Variants in DAB2IP observed in about 807,000 individuals in gnomAD.
The protein encoded by DAB2IP is DAB2 interacting protein.
Under a neutral mutation model 107.2 loss-of-function variants are expected in DAB2IP, and 28 were observed. That is an observed-to-expected ratio of 0.26 (90% CI 0.19 to 0.36). DAB2IP has a LOEUF of 0.36. Ranked by LOEUF, DAB2IP falls within the 10% of genes least tolerant of loss-of-function variation. DAB2IP has a pLI of 1.00. For missense variants in DAB2IP, 1,400 were observed against 1,644.7 expected, an observed-to-expected ratio of 0.85 and a Z score of 2.57; for synonymous variants, 755 against 706.4, an observed-to-expected ratio of 1.07 and a Z score of -1.09.
Position 121,638,345 on chromosome 9 carries a change from C to G in DAB2IP, c.41-40333C>G, listed in dbSNP as rs558709480. 3.9e-5 allele frequency among the ~76,000 whole-genome samples: 6 copies of G among 152,230 alleles called. No homozygotes were observed. The South Asian group carries it at 1.2e-3, about 32-fold the overall frequency. On this transcript the variant is annotated intron_variant, in intron 1 of 16. Transcript: ENST00000259371. ...GTATGCATATGCTATATTTTAATGTCAGGGACTTGAGCGTGCTTGGATTTT... is the reference window on the plus strand; with the variant it reads ...GTATGCATATGCTATATTTTAATGTGAGGGACTTGAGCGTGCTTGGATTTT...
intron 3 of DAB2IP, among the ~76,000 whole-genome samples, chr9:121,755,111 G>A (rs1253752126): frequency 6.6e-6 from 1 of 152,152 alleles, no homozygotes; most frequent in African/African-American, 2.4e-5. Flanking sequence ...TCAGCCCAGG[G>A]AGGGCAGGCC....
In DAB2IP at chr9:121,699,483, CCCCCGCGCCGCCG is replaced by C; in HGVS notation, c.362+31_362+43del. 7 of 1,279,848 alleles carry C rather than the reference CCCCCGCGCCGCCG, an allele frequency of 5.5e-6. No homozygotes were observed. Among genetic ancestry groups the C allele is most frequent in the East Asian group, 3.7e-5 (1 of 26,828 alleles). 79.3% of individuals were successfully genotyped at this position (1,279,848 alleles called of 1,614,324 possible). On this transcript the variant is annotated intron_variant, in intron 3 of 15. Coordinates refer to ENST00000408936, the Ensembl canonical transcript of DAB2IP. This position sits in a 1 kb window ranked among gnomAD's most constrained non-coding sequence, Gnocchi z 6.2. ...GGTGAGCCCGCCGCCGCCGCCCGGT[CCCCCGCGCCGCCG>C]CCCCGGGCTGCGCCCCTGAGGACGC...
chr9:121,746,022 T>C (rs1269194234), intron 3 of DAB2IP, among the ~76,000 whole-genome samples: 3 of 151,834 alleles, frequency 2.0e-5, no homozygotes, highest in African/African-American at 7.3e-5. Flanking sequence ...GGTAAGGGGG[T>C]AGAGCAGGTG....
At chr9:121,766,371 C>G in intron 8 of DAB2IP, 123 bp from the exon 9 acceptor site, 6 of 853,094 alleles carry the variant, frequency 7.0e-6, no homozygotes, top group Non-Finnish European at 1.1e-5. Flanking sequence ...GCTCAGACAG[C>G]GGGGCTGACC....
rs1211219756 is a variant in DAB2IP, at chr9:121,782,365, C to T, written c.3437C>T (p.Ala1146Val). 1 of 1,614,042 alleles carries T rather than the reference C, an allele frequency of 6.2e-7. No individual in the cohort carries two copies. Among genetic ancestry groups the T allele is most frequent in the Admixed American group, 1.7e-5 (1 of 60,008 alleles). The change falls in exon 16 of 16, where the codon GCC (alanine) becomes GTC (valine). Residue 1146 changes from alanine to valine, a missense_variant. Coordinates refer to ENST00000408936, the Ensembl canonical transcript of DAB2IP. The surrounding 1 kb of genome is among the most constrained non-coding windows in gnomAD (Gnocchi z 6.1). ...ATTGCCTCGTTGGATGCCGCCAATG[C>T]CCGCCTCATGAGTGCCCTGACCCAG...
intron 1 of DAB2IP, among the ~76,000 whole-genome samples, chr9:121,672,404 C>T (rs972252322): frequency 2.4e-4 from 37 of 152,306 alleles, no homozygotes; most frequent in East Asian, 7.7e-4. Context: ...TTCCTCAGGC[C>T]GCCGTGTTTC....
chr9:121,662,344 C>G lies in DAB2IP; in HGVS notation c.124+10445C>G, dbSNP rs374001182. 9.2e-5 allele frequency among the ~76,000 whole-genome samples: 14 copies of G among 152,128 alleles called. No homozygotes were observed. Among genetic ancestry groups the G allele is most frequent in the African/African-American group, 3.4e-4 (14 of 41,410 alleles). On this transcript the variant is annotated intron_variant, in intron 1 of 15. Coordinates refer to ENST00000408936, the Ensembl canonical transcript of DAB2IP. This position sits in a 1 kb window ranked among gnomAD's most constrained non-coding sequence, Gnocchi z 4.6. Reference sequence around the variant, plus strand: ...TGTGGTCTACTGGCCAAACCCAGCCCCTCATCTGTTTCTGTATGACTTGTG... The same window carrying G: ...TGTGGTCTACTGGCCAAACCCAGCCGCTCATCTGTTTCTGTATGACTTGTG...
In DAB2IP at chr9:121,782,101, CCCA is replaced by C. The variant is rs1835702516; in HGVS notation, c.3403-229_3403-227del. Reference sequence around the variant, plus strand: ...TGCCTGCCCTAGGGGCCGCAGGCAGCCCATAGACAGCACTAGAGCTGCTGCATT... The same window carrying C: ...TGCCTGCCCTAGGGGCCGCAGGCAGCTAGACAGCACTAGAGCTGCTGCATT... On this transcript the variant is annotated intron_variant, in intron 15 of 15. Coordinates refer to ENST00000408936, the Ensembl canonical transcript of DAB2IP. The surrounding 1 kb of genome is among the most constrained non-coding windows in gnomAD (Gnocchi z 6.1). Among the ~76,000 whole-genome samples, 1 of 152,118 alleles carries C rather than the reference CCCA, an allele frequency of 6.6e-6. No homozygotes were observed. Among genetic ancestry groups the C allele is most frequent in the South Asian group, 2.1e-4 (1 of 4,822 alleles).
chr9:121,767,520 GC>G (rs1390902216), intron 9 of DAB2IP, among the ~76,000 whole-genome samples: 1 of 152,250 alleles, frequency 6.6e-6, no homozygotes, highest in Non-Finnish European at 1.5e-5. Context: ...CTCAAGAGGA[GC>G]AGAGGCTGGG....
At chr9:121,683,352 T>C (rs1327962712) in intron 2 of DAB2IP, among the ~76,000 whole-genome samples, 1 of 152,100 alleles carries the variant, frequency 6.6e-6, no homozygotes, top group African/African-American at 2.4e-5. Context: ...AACTTCCCTG[T>C]TGCGGGCTGG....
At chr9:121,638,072 A>G (rs1331712662) in intron 1 of DAB2IP, among the ~76,000 whole-genome samples, 1 of 152,014 alleles carries the variant, frequency 6.6e-6, no homozygotes, top group African/African-American at 2.4e-5. Flanking sequence ...CCTCAGGGAG[A>G]GCAGTGTGCC....
At chr9:121,588,446 A>G (rs958795851) in intron 1 of DAB2IP, among the ~76,000 whole-genome samples, 1 of 151,560 alleles carries the variant, frequency 6.6e-6, no homozygotes, top group Admixed American at 6.6e-5. Context: ...GGGGTTCCCC[A>G]GGAGCAGGCT....
rs1031385682 is a variant in DAB2IP, at chr9:121,737,218, G to A, written c.363-19795G>A. 12 of 980,410 alleles carry A rather than the reference G, an allele frequency of 1.2e-5. 1 individual carries two copies. In the East Asian group the frequency reaches 6.8e-4, roughly 56 times the overall value. 60.7% of individuals were successfully genotyped at this position (980,410 alleles called of 1,614,324 possible). A position where few individuals can be genotyped will look rare whatever the true frequency, so the allele number is the denominator to read the frequency against. ...ACCCTGCCCAGAGGCCCCAGAGGGCGACTTGCCATGGCTGGAAGCGATAGT... is the reference window on the plus strand; with the variant it reads ...ACCCTGCCCAGAGGCCCCAGAGGGCAACTTGCCATGGCTGGAAGCGATAGT... On this transcript the variant is annotated intron_variant, in intron 3 of 15. Transcript: ENST00000408936.
At chr9:121,742,756 C>T (rs760908910) in intron 3 of DAB2IP, 391 of 985,510 alleles carry the variant, frequency 4.0e-4, no homozygotes, top group Non-Finnish European at 4.3e-4. Context: ...TCTGACTGCC[C>T]GCTTTTCTCT....
At chr9:121,600,196 G>T (rs1830646628) in intron 1 of DAB2IP, among the ~76,000 whole-genome samples, 2 of 152,136 alleles carry the variant, frequency 1.3e-5, no homozygotes, top group African/African-American at 4.8e-5. Flanking sequence ...CCTGGGAATT[G>T]GTGATAGGGC....
chr9:121,713,162 C>T (rs1044953173), intron 3 of DAB2IP, among the ~76,000 whole-genome samples: 2 of 152,152 alleles, frequency 1.3e-5, no homozygotes, highest in African/African-American at 4.8e-5. Flanking sequence ...TAACTGAGGC[C>T]CAGAGCGGGT....
intron 3 of DAB2IP, among the ~76,000 whole-genome samples, chr9:121,707,011 C>G (rs1381484895): frequency 6.6e-6 from 1 of 152,180 alleles, no homozygotes; most frequent in Non-Finnish European, 1.5e-5. Flanking sequence ...AGGTCAGGCC[C>G]CATCTTGAGG....
At position 121,698,856 on chromosome 9, in the gene DAB2IP, A is replaced by G. The variant is rs1486264309; in HGVS notation, c.229-469A>G. On this transcript the variant is annotated intron_variant, in intron 2 of 15. Transcript: ENST00000408936. This position sits in a 1 kb window ranked among gnomAD's most constrained non-coding sequence, Gnocchi z 4.1. Reference sequence around the variant, plus strand: ...TCCCCGACGGGGTGGGGGGGCGTGGATTCCTCCAGGTGGGTGTGGGGGGTG... The same window carrying G: ...TCCCCGACGGGGTGGGGGGGCGTGGGTTCCTCCAGGTGGGTGTGGGGGGTG... Among the ~76,000 whole-genome samples the G allele has an allele frequency of 1.3e-5, 2 of 151,870 alleles. No homozygotes were observed. The highest frequency in any genetic ancestry group is 2.1e-4 in the South Asian group (1 of 4,822).
At chr9:121,731,623 A>G (rs1035677689) in intron 3 of DAB2IP, among the ~76,000 whole-genome samples, 3 of 152,132 alleles carry the variant, frequency 2.0e-5, no homozygotes, top group African/African-American at 7.2e-5. Flanking sequence ...GCTTGCCCCA[A>G]GAATGGACTG....
Sources: gnomAD v4.1 joint callset for allele counts (sites outside exome capture counted in the v4.1 genomes callset) on GRCh38, gnomAD v4.1.1 for gene constraint, Gnocchi (gnomAD v3.1) non-coding constraint, MANE v1.5 for transcripts, NCBI Gene and HGNC (gene_info 2026-07-23, HGNC 2026-07-21) for gene names.